The following ACBD6 variants were observed in gnomAD, a reference collection of about 807,000 sequenced individuals.
The protein encoded by ACBD6 is acyl-CoA binding domain containing 6.
A neutral mutation model predicts 37.2 loss-of-function variants in ACBD6; 28 were observed. The observed-to-expected ratio is 0.75, with a 90% CI of 0.56 to 1.03. The LOEUF (loss-of-function observed/expected upper bound fraction) is 1.03. ACBD6 is among the 50% of genes least tolerant of loss of function. ACBD6 has a pLI of 0.00. For missense variants in ACBD6, 340 were observed against 337.4 expected (o/e 1.01, Z -0.06); for synonymous variants, 113 against 126.8 (o/e 0.89, Z 0.73).
At chr1:180,360,088 AAAC>A (rs536699891) in intron 6 of ACBD6, among the ~76,000 whole-genome samples, 14 of 152,354 alleles carry the variant, frequency 9.2e-5, no homozygotes, top group African/African-American at 3.4e-4. Flanking sequence ...AATAGGATAT[AAAC>A]AACAGCTTTA....
chr1:180,272,131 C>T (rs556612658), intron 13 of ACBD6: 1 of 831,124 alleles, frequency 1.2e-6, no homozygotes, highest in South Asian at 1.9e-5. Flanking sequence ...CAGGCTTTTC[C>T]TTAAGACTTG....
At chr1:180,492,428 T>A (rs1651541978) in intron 2 of ACBD6, 63 bp from the exon 3 acceptor site, 3 of 1,304,358 alleles carry the variant, frequency 2.3e-6, no homozygotes, top group Non-Finnish European at 3.3e-6. Flanking sequence ...GCATTTTTCT[T>A]ATTATTAAAA....
intron 6 of ACBD6, among the ~76,000 whole-genome samples, chr1:180,393,560 T>C (rs1654152814): frequency 6.6e-6 from 1 of 152,312 alleles, no homozygotes; most frequent in Admixed American, 6.5e-5. Context: ...GTTTAAGAAA[T>C]ATAGAGTCAT....
At chr1:180,429,534 GTATAGAATGCTGCTA>G (rs1648728301) in intron 4 of ACBD6, among the ~76,000 whole-genome samples, 1 of 152,070 alleles carries the variant, frequency 6.6e-6, no homozygotes, top group African/African-American at 2.4e-5. Flanking sequence ...ATTGGCTACT[GTATAGAATGCTGCTA>G]TGAACATGGG....
chr1:180,314,291 C>T (rs998578843), intron 7 of ACBD6, among the ~76,000 whole-genome samples: 11 of 152,146 alleles, frequency 7.2e-5, no homozygotes, highest in African/African-American at 2.4e-4. Context: ...GTCACCCAGG[C>T]TGGAGTGCAG....
intron 7 of ACBD6, among the ~76,000 whole-genome samples, chr1:180,310,278 C>A (rs1037433873): frequency 6.6e-6 from 1 of 151,928 alleles, no homozygotes; most frequent in Admixed American, 6.6e-5. Flanking sequence ...AAGGATTGCT[C>A]AAGCACAGGA....
intron 3 of ACBD6, among the ~76,000 whole-genome samples, chr1:180,472,999 T>C (rs1340022532): frequency 6.6e-6 from 1 of 152,046 alleles, no homozygotes; most frequent in Non-Finnish European, 1.5e-5. Context: ...CATAGAATAA[T>C]TCCATAGAAT....
chr1:180,414,627 C>G (rs1647999625), intron 4 of ACBD6, among the ~76,000 whole-genome samples: 1 of 152,052 alleles, frequency 6.6e-6, no homozygotes, highest in South Asian at 2.1e-4. Context: ...GCCTTTAAGA[C>G]CCAAACAGTA....
chr1:180,274,295 C>A (rs2149268742), intron 10 of ACBD6: 1 of 1,614,208 alleles, frequency 6.2e-7, no homozygotes, highest in East Asian at 2.2e-5. Context: ...CGGGACAGGA[C>A]AATCCTATCA....
intron 6 of ACBD6, among the ~76,000 whole-genome samples, chr1:180,387,727 A>G (rs1350189574): frequency 6.0e-5 from 1 of 16,762 alleles, no homozygotes; most frequent in Non-Finnish European, 1.0e-4. Context: ...TGGCTGGGGT[A>G]GGGTGGTATT....
At chr1:180,389,772 ATG>A (rs1366521218) in intron 6 of ACBD6, among the ~76,000 whole-genome samples, 1 of 151,944 alleles carries the variant, frequency 6.6e-6, no homozygotes, top group Non-Finnish European at 1.5e-5. Flanking sequence ...GCATTTTTTC[ATG>A]TGTTTTTTGG....
At chr1:180,482,803 A>G (rs1359800324) in intron 3 of ACBD6, among the ~76,000 whole-genome samples, 1 of 152,218 alleles carries the variant, frequency 6.6e-6, no homozygotes, top group Non-Finnish European at 1.5e-5. Context: ...GGTAGCTCTG[A>G]GGATTACAGA....
In ACBD6 at chr1:180,414,207, C is replaced by A. The variant is rs534963069; in HGVS notation, c.468-736G>T. 4.1e-4 allele frequency among the ~76,000 whole-genome samples: 63 copies of A among 152,264 alleles called. 1 individual carries two copies. In the South Asian group the frequency reaches 0.012, roughly 30 times the overall value. On this transcript the variant is annotated intron_variant, in intron 4 of 7. Coordinates refer to ENST00000367595, the MANE Select transcript of ACBD6 (RefSeq NM_032360.4). Reference sequence around the variant, plus strand: ...GTATAGGGGGAAGAATTGTTTCAATCGGATTCTCAAAAGAATCAGTGACTC... The same window carrying A: ...GTATAGGGGGAAGAATTGTTTCAATAGGATTCTCAAAAGAATCAGTGACTC...
At chr1:180,421,809 A>C (rs761550163) in intron 4 of ACBD6, among the ~76,000 whole-genome samples, 7 of 151,720 alleles carry the variant, frequency 4.6e-5, no homozygotes, top group Non-Finnish European at 8.8e-5. Context: ...CTGCATGTAC[A>C]TCTTCTTTTG....
intron 6 of ACBD6, among the ~76,000 whole-genome samples, chr1:180,328,641 T>C (rs822704): frequency 0.045 from 6,883 of 152,180 alleles, 223 homozygotes; most frequent in Non-Finnish European, 0.059. Flanking sequence ...GAATGTATGA[T>C]AAGTGAGGCA....
chr1:180,435,231 G>A, intron 3 of ACBD6: 1 of 672,430 alleles, frequency 1.5e-6, no homozygotes. Flanking sequence ...GGGTTACGAG[G>A]GCTGGCTGGC....
At chr1:180,428,286 G>A (rs1176006732) in intron 4 of ACBD6, among the ~76,000 whole-genome samples, 3 of 152,118 alleles carry the variant, frequency 2.0e-5, no homozygotes, top group African/African-American at 7.2e-5. Flanking sequence ...ATACTTTCAT[G>A]AAAATGCCAA....
chr1:180,271,104 C>T, exon 14 of ACBD6: 1 of 521,908 alleles, frequency 1.9e-6, no homozygotes, highest in Non-Finnish European at 3.5e-6. Context: ...TCTGATGAGA[C>T]TTCTGTGCAG....
At chr1:180,300,166 A>G (rs371303378) in intron 7 of ACBD6, among the ~76,000 whole-genome samples, 130 of 152,238 alleles carry the variant, frequency 8.5e-4, no homozygotes, top group Middle Eastern at 3.4e-3. Context: ...ATAATAACTA[A>G]ATCCCCAAAG....
Sources: gnomAD v4.1 joint callset for allele counts (sites outside exome capture counted in the v4.1 genomes callset) on GRCh38, gnomAD v4.1.1 for gene constraint, MANE v1.5 for transcripts, NCBI Gene and HGNC (gene_info 2026-07-23, HGNC 2026-07-21) for gene names.